TIAM2: variants seen among roughly 807,000 people sequenced by gnomAD.
TIAM2 encodes rho guanine nucleotide exchange factor TIAM2.
In TIAM2, 80 loss-of-function variants were observed where a neutral mutation model predicts 152.9. The ratio of observed to expected loss-of-function variants is 0.52; its 90% CI spans 0.44 to 0.63. TIAM2 has a LOEUF of 0.63. Ranked by LOEUF, TIAM2 falls within the 30% of genes least tolerant of loss-of-function variation. The probability of loss-of-function intolerance (pLI) is 0.00; values close to 1 mark genes in which losing one functional copy is unlikely to be tolerated. For missense variants in TIAM2, 1,965 were observed against 2,120.1 expected, an observed-to-expected ratio of 0.93 and a Z score of 1.44; for synonymous variants, 804 against 838.0, an observed-to-expected ratio of 0.96 and a Z score of 0.70.
chr6:155,161,044 C>G (rs1780255686), intron 7 of TIAM2, among the ~76,000 whole-genome samples: 1 of 152,212 alleles, frequency 6.6e-6, no homozygotes, highest in South Asian at 2.1e-4. Flanking sequence ...TCCAACAAAC[C>G]TAAGCATCTG....
At chr6:155,161,164 C>G (rs976482268) in intron 7 of TIAM2, among the ~76,000 whole-genome samples, 2 of 152,084 alleles carry the variant, frequency 1.3e-5, no homozygotes, top group Non-Finnish European at 2.9e-5. Flanking sequence ...TTTATGATTC[C>G]CTGTGTATCC....
chr6:155,054,452 G>T (rs566085407), intron 1 of TIAM2, among the ~76,000 whole-genome samples: 1 of 152,274 alleles, frequency 6.6e-6, no homozygotes, highest in African/African-American at 2.4e-5. Context: ...ATTAGGTGAG[G>T]GGGAAGAAGG....
intron 4 of TIAM2, among the ~76,000 whole-genome samples, chr6:155,133,351 A>ACAACAACAACAACAAAACAG (rs1779488830): frequency 6.6e-6 from 1 of 152,016 alleles, no homozygotes; most frequent in Admixed American, 6.5e-5. Context: ...CATCTCAACA[A>ACAACAACAACAACAAAACAG]CAACAACAAC....
At chr6:155,145,769 CT>C (rs1779807839) in intron 6 of TIAM2, among the ~76,000 whole-genome samples, 2 of 152,288 alleles carry the variant, frequency 1.3e-5, no homozygotes, top group African/African-American at 4.8e-5. Flanking sequence ...TCTAGGCTGA[CT>C]TTGGGAGTCT....
At chr6:155,229,928 A>G (rs1406950660) in intron 15 of TIAM2, among the ~76,000 whole-genome samples, 1 of 152,058 alleles carries the variant, frequency 6.6e-6, no homozygotes, top group African/African-American at 2.4e-5. Context: ...CTTATTCACT[A>G]TCACGAGTAC....
In TIAM2 at chr6:155,130,324, T is replaced by C. The variant is rs1254567465; in HGVS notation, c.1101T>C (p.Val367=). Residue 367 remains valine, a synonymous_variant, in exon 4 of 27, where the codon GTT becomes GTC. Coordinates refer to ENST00000682666, the MANE Select transcript of TIAM2 (RefSeq NM_012454.4). ...TLPCRKPKAF[V]EDTAKKDSLK... is the part of the protein sequence containing the mutation. ...CCTGTCGGAAGCCCAAAGCCTTTGT[T>C]GAGGATACTGCGAAGAAGGACTCCC... The C allele has an allele frequency of 1.9e-6, 3 of 1,613,952 alleles. No homozygotes were observed. The highest frequency in any genetic ancestry group is 2.5e-6 in the Non-Finnish European group (3 of 1,180,018).
intron 1 of TIAM2, among the ~76,000 whole-genome samples, chr6:155,001,007 C>A (rs75216466): frequency 6.6e-6 from 1 of 152,030 alleles, no homozygotes; most frequent in Non-Finnish European, 1.5e-5. Context: ...AAAAAAGAAA[C>A]CAGTTTCTTT....
At chr6:155,233,196 G>A (rs1210912210) in intron 15 of TIAM2, among the ~76,000 whole-genome samples, 1 of 152,216 alleles carries the variant, frequency 6.6e-6, no homozygotes, top group Non-Finnish European at 1.5e-5. Context: ...CTACCCCGTA[G>A]TAGTTTAAAG....
At chr6:155,178,909 G>T (rs1309238622) in intron 10 of TIAM2, 130 bp from the exon 11 acceptor site, 2 of 748,618 alleles carry the variant, frequency 2.7e-6, no homozygotes, top group East Asian at 5.5e-5. Context: ...CTCTTATATA[G>T]GTTTAAATTC....
intron 2 of TIAM2, among the ~76,000 whole-genome samples, chr6:155,120,219 C>T (rs916866515): frequency 2.0e-4 from 30 of 152,224 alleles, no homozygotes; most frequent in African/African-American, 6.8e-4. Flanking sequence ...GAGGGCATTC[C>T]TTGCCGCAGA....
chr6:155,116,398 C>G (rs1280460140), intron 2 of TIAM2, among the ~76,000 whole-genome samples: 1 of 145,700 alleles, frequency 6.9e-6, no homozygotes, highest in Non-Finnish European at 1.5e-5. Flanking sequence ...AAATGACTCT[C>G]AAACAAGGCA....
chr6:155,100,245 C>T (rs371793452), intron 2 of TIAM2, among the ~76,000 whole-genome samples: 3 of 152,182 alleles, frequency 2.0e-5, no homozygotes, highest in South Asian at 4.1e-4. Context: ...CAGGTGCTGG[C>T]GCTTCTCCCA....
chr6:155,070,506 C>G (rs935620299), intron 1 of TIAM2, among the ~76,000 whole-genome samples: 1 of 152,060 alleles, frequency 6.6e-6, no homozygotes, highest in Non-Finnish European at 1.5e-5. Flanking sequence ...CATGAGCCAC[C>G]GTGCCTGGCC....
chr6:155,067,935 C>A (rs1178423721), intron 1 of TIAM2, among the ~76,000 whole-genome samples: 2 of 152,174 alleles, frequency 1.3e-5, no homozygotes, highest in Admixed American at 6.5e-5. Flanking sequence ...CATGACCAAG[C>A]CCGACTTTTT....
At chr6:155,134,142 G>A (rs542496185) in intron 4 of TIAM2, among the ~76,000 whole-genome samples, 49 of 125,458 alleles carry the variant, frequency 3.9e-4, no homozygotes, top group Admixed American at 6.8e-4. Context: ...AATGGAAATC[G>A]TATGATTTGT....
Position 155,129,373 on chromosome 6 carries a change from C to G in TIAM2, c.150C>G (p.Ser50Arg). The G allele has an allele frequency of 1.2e-6, 2 of 1,614,166 alleles. No homozygotes were observed. The highest frequency in any genetic ancestry group is 1.7e-6 in the Non-Finnish European group (2 of 1,180,038). ...CATTGCATGGATGGGGTCACGGAAG[C>G]AACGGAGCAGGTTACAAGTCCAGGT... ...EKSLHGWGHG[S>R]NGAGYKSRSL... The change falls in exon 4 of 27, where the codon AGC (serine) becomes AGG (arginine). Residue 50 changes from serine (S) to arginine (R), a missense_variant. Around this residue, in one of 3 missense-constraint regions of TIAM2, gnomAD observed 1,025 missense variants for 1,119.4 expected, o/e 0.92. Coordinates refer to ENST00000682666, the MANE Select transcript of TIAM2 (RefSeq NM_012454.4). The surrounding 1 kb of genome is among the most constrained non-coding windows in gnomAD (Gnocchi z 4.8).
chr6:155,229,851 C>CATGG (rs1375279968), intron 15 of TIAM2, among the ~76,000 whole-genome samples: 1 of 152,206 alleles, frequency 6.6e-6, no homozygotes, highest in Non-Finnish European at 1.5e-5. Context: ...TCACATCTTA[C>CATGG]ATGGCGGCAG....
chr6:155,240,793 T>TTTTTTTAATGATACG, intron 16 of TIAM2, 84 bp downstream of exon 16: 2 of 1,408,042 alleles, frequency 1.4e-6, no homozygotes, highest in East Asian at 4.9e-5. Context: ...AGATCACCTC[T>TTTTTTTAATGATACG]GCCCAGGACA....
In TIAM2 at chr6:155,019,283, G is replaced by A. The variant is rs773115122; in HGVS notation, c.-209+23791G>A. Reference sequence around the variant, plus strand: ...GGGGAGGTGGAGGCTGCAGTGAGCTGAGATTGGGCCACTGCACTCCAGCCT... The same window carrying A: ...GGGGAGGTGGAGGCTGCAGTGAGCTAAGATTGGGCCACTGCACTCCAGCCT... On this transcript the variant is annotated intron_variant, in intron 1 of 26. Coordinates refer to ENST00000682666, the MANE Select transcript of TIAM2 (RefSeq NM_012454.4). 2.3e-4 allele frequency among the ~76,000 whole-genome samples: 35 copies of A among 151,848 alleles called. 1 individual carries two copies. The highest frequency in any genetic ancestry group is 4.7e-4 in the Non-Finnish European group (32 of 67,990).
Sources: allele counts gnomAD v4.1 joint callset (sites outside exome capture counted in the v4.1 genomes callset), GRCh38; gene constraint gnomAD v4.1.1; regional missense constraint gnomAD v4.1.1; non-coding constraint Gnocchi (gnomAD v3.1); transcripts MANE v1.5; gene names NCBI Gene and HGNC (gene_info 2026-07-23, HGNC 2026-07-21).